Variants in PLA2G2D observed in about 807,000 individuals in gnomAD.
The protein encoded by PLA2G2D is group IID secretory phospholipase A2.
A neutral mutation model predicts 13.9 loss-of-function variants in PLA2G2D; 17 were observed. The ratio of observed to expected loss-of-function variants is 1.23; its 90% CI spans 0.84 to 1.84. The LOEUF is 1.84. PLA2G2D is among the 40% of genes most tolerant of loss of function. PLA2G2D has a pLI of 0.00. For missense variants in PLA2G2D, 194 were observed against 178.7 expected, an observed-to-expected ratio of 1.09 and a Z score of -0.49; for synonymous variants, 83 against 69.3, an observed-to-expected ratio of 1.20 and a Z score of -0.98.
Position 20,113,903 on chromosome 1 carries a change from A to T in PLA2G2D, c.*211T>A, listed in dbSNP as rs2100672872. The T allele has an allele frequency of 4.2e-6, 2 of 479,530 alleles. No individual in the cohort carries two copies. Among genetic ancestry groups the T allele is most frequent in the South Asian group, 4.2e-5 (1 of 23,916 alleles). 29.7% of individuals were successfully genotyped at this position (479,530 alleles called of 1,614,324 possible). On this transcript the variant is annotated 3_prime_UTR_variant, in exon 4 of 4. Coordinates refer to ENST00000375105, the MANE Select transcript of PLA2G2D (RefSeq NM_012400.4). ...CTCCCTTGCTTGGGCTTCTCCCAAG[A>T]TTCCCATCCACCCTCAGAGGACACA... is the stretch of plus-strand genomic sequence containing the variant.
chr1:20,116,177 G>A (rs1258663402), intron 2 of PLA2G2D, among the ~76,000 whole-genome samples, 156 bp downstream of exon 2: 1 of 152,210 alleles, frequency 6.6e-6, no homozygotes, highest in Non-Finnish European at 1.5e-5. Flanking sequence ...AGCTCCAGGA[G>A]GGCTGGGACC....
intron 1 of PLA2G2D, among the ~76,000 whole-genome samples, 158 bp downstream of exon 1, chr1:20,119,301 G>A (rs988619757): frequency 6.6e-6 from 1 of 152,166 alleles, no homozygotes; most frequent in Non-Finnish European, 1.5e-5. Context: ...GGAGACTGAC[G>A]GCCACTGAAG....
At chr1:20,115,644 G>A (rs1440444717) in intron 2 of PLA2G2D, 31 bp from the exon 3 acceptor site, 1 of 1,384,588 alleles carries the variant, frequency 7.2e-7, no homozygotes, top group African/African-American at 1.4e-5. Flanking sequence ...AGCTGCATGG[G>A]TCCCCAGCCT....
chr1:20,114,410 C>T (rs768727486), intron 3 of PLA2G2D, 151 bp from the exon 4 acceptor site: 4 of 709,152 alleles, frequency 5.6e-6, no homozygotes, highest in East Asian at 2.8e-5. Context: ...GACTTGGCCA[C>T]GTACCGTGAC....
In PLA2G2D at chr1:20,114,139, C is replaced by T; in HGVS notation, c.413G>A (p.Cys138Tyr). The change falls in exon 4 of 4, where the codon TGC becomes TAC. Residue 138 changes from cysteine (C) to tyrosine (Y), a missense_variant. Cys to Tyr is a radical substitution (Grantham distance 194, BLOSUM62 -2). Coordinates refer to ENST00000375105, the MANE Select transcript of PLA2G2D (RefSeq NM_012400.4). ...CTAGCACCCAGGGGTCTGCCCCCGG[C>T]AGTGGGGCCGCCAGTAGAAACGCAG... Reference protein sequence around the residue: ...KRLRFYWRPHCRGQTPGC With the variant: ...KRLRFYWRPHYRGQTPGC 2 of 1,613,606 alleles carry T rather than the reference C, an allele frequency of 1.2e-6. No individual in the cohort carries two copies. The highest frequency in any genetic ancestry group is 1.1e-5 in the South Asian group (1 of 91,052).
rs1205561828 is a variant in PLA2G2D, at chr1:20,119,443, C to T, written c.40+16G>A. On this transcript the variant is annotated intron_variant, in intron 1 of 3. Coordinates refer to ENST00000375105, the MANE Select transcript of PLA2G2D (RefSeq NM_012400.4). ...CCCTCCTTCCCTTCCCAGCCTGGGT[C>T]CCGTCCCCGACTCACCAGCCATCAC... 5 of 1,611,410 alleles carry T rather than the reference C, an allele frequency of 3.1e-6. No individual in the cohort carries two copies. Among genetic ancestry groups the T allele is most frequent in the African/African-American group, 2.7e-5 (2 of 74,820 alleles).
At chr1:20,116,624 T>A in intron 1 of PLA2G2D, 147 bp from the exon 2 acceptor site, 1 of 692,974 alleles carries the variant, frequency 1.4e-6, no homozygotes, top group Non-Finnish European at 2.5e-6. Flanking sequence ...CTACTGCTAT[T>A]AAAAATATAG....
At position 20,115,599 on chromosome 1, in the gene PLA2G2D, T is replaced by A. The variant is rs1353790965; in HGVS notation, c.200A>T (p.His67Leu). The A allele has an allele frequency of 6.2e-7, 1 of 1,610,798 alleles. No homozygotes were observed. The change falls in exon 3 of 4, where the codon CAT becomes CTT. Residue 67 changes from histidine to leucine, a missense_variant. His to Leu is a moderately conservative substitution (Grantham distance 99, BLOSUM62 -3). Transcript: ENST00000375105. ...KDATDWCCQT[H>L]DCCYDHLKTQ... ...CTTCAGGTGGTCATAGCAGCAGTCA[T>A]GGGTCTGGCAGCACCTGGAGCAGAC...
rs1325551750 is a variant in PLA2G2D at position 20,112,361 on chromosome 1, C to A, written c.*1753G>T. 1 of 152,252 alleles carries A rather than the reference C, an allele frequency of 6.6e-6. No homozygotes were observed. 9.4% of individuals were successfully genotyped at this position (152,252 alleles called of 1,614,324 possible). A position where few individuals can be genotyped will look rare whatever the true frequency, so the allele number is the denominator to read the frequency against. On this transcript the variant is annotated 3_prime_UTR_variant, in exon 4 of 4. Transcript: ENST00000375105. ...CTGTTCCCCCACACAGGCACAGCTG[C>A]CCCCATGGGTATCCCTACCTGGAGT...
At chr1:20,118,671 A>C (rs1043017477) in intron 1 of PLA2G2D, among the ~76,000 whole-genome samples, 1 of 152,148 alleles carries the variant, frequency 6.6e-6, no homozygotes, top group Non-Finnish European at 1.5e-5. Flanking sequence ...ACAGATGAGG[A>C]TATTGAAAGG....
Position 20,114,267 on chromosome 1 carries a change from C to T in PLA2G2D, c.293-8G>A, listed in dbSNP as rs369362192. 108 of 1,611,916 alleles carry T rather than the reference C, an allele frequency of 6.7e-5. No individual in the cohort carries two copies. The highest frequency in any genetic ancestry group is 2.6e-4 in the South Asian group (24 of 90,778). On this transcript the variant is annotated splice_region_variant and splice_polypyrimidine_tract_variant and intron_variant, in intron 3 of 3. Transcript: ENST00000375105. ...ACCAGCTTCCCTTGTCAGCTGTGGACGGAGAAGGGGGAGCTATGTGTTTGT... is the reference window on the plus strand; with the variant it reads ...ACCAGCTTCCCTTGTCAGCTGTGGATGGAGAAGGGGGAGCTATGTGTTTGT...
Position 20,119,472 on chromosome 1 carries a change from C to T in PLA2G2D, c.27G>A (p.Leu9=), listed in dbSNP as rs138486718. 6.2e-7 allele frequency: 1 copy of T among 1,613,914 alleles called. No individual in the cohort carries two copies. Among genetic ancestry groups the T allele is most frequent in the Admixed American group, 1.7e-5 (1 of 60,008 alleles). The change falls in exon 1 of 4, where the codon CTG becomes CTA. Residue 9 remains leucine, a synonymous_variant. Transcript: ENST00000375105. MELALLCG[L]VVMAGVIPIQ... is the part of the protein sequence containing the mutation. ...TCCCCGACTCACCAGCCATCACCAC[C>T]AGCCCACACAGCAGTGCAAGTTCCA... is the stretch of plus-strand genomic sequence containing the variant.
chr1:20,115,469 G>A, intron 3 of PLA2G2D, 38 bp downstream of exon 3: 1 of 1,183,042 alleles, frequency 8.5e-7, no homozygotes, highest in Non-Finnish European at 1.3e-6. Flanking sequence ...CTCCCTTCCT[G>A]GGGTCTCCAG....
Position 20,116,490 on chromosome 1 carries a change from C to A in PLA2G2D, c.41-13G>T. On this transcript the variant is annotated splice_polypyrimidine_tract_variant and intron_variant, in intron 1 of 3. Transcript: ENST00000375105. ...ATTGGAATCACACCTGCCAAGCAGC[C>A]CAGCAACCAGGAGAGAAGAGGAGAT... 6.2e-7 allele frequency: 1 copy of A among 1,614,074 alleles called. No individual in the cohort carries two copies. Among genetic ancestry groups the A allele is most frequent in the Admixed American group, 1.7e-5 (1 of 60,016 alleles).
In PLA2G2D at chr1:20,114,020, C is replaced by A. The variant is rs534957481; in HGVS notation, c.*94G>T. Reference sequence around the variant, plus strand: ...GGGGGAGGCTGGGACTACCTCCCCCCGGAGTGTTTGAAAAGCCAGGCTGGT... The same window carrying A: ...GGGGGAGGCTGGGACTACCTCCCCCAGGAGTGTTTGAAAAGCCAGGCTGGT... On this transcript the variant is annotated 3_prime_UTR_variant, in exon 4 of 4. Coordinates refer to ENST00000375105, the MANE Select transcript of PLA2G2D (RefSeq NM_012400.4). 1.3e-5 allele frequency: 15 copies of A among 1,196,026 alleles called. No individual in the cohort carries two copies. The Admixed American group carries it at 2.3e-4, about 18-fold the overall frequency. The allele number at this position is 1,196,026 out of a possible 1,614,324, so 74.1% of individuals were successfully genotyped here.
rs2016898361 is a variant in PLA2G2D at position 20,112,126 on chromosome 1, CT to C, written c.*1987del. On this transcript the variant is annotated 3_prime_UTR_variant, in exon 4 of 4. Coordinates refer to ENST00000375105, the MANE Select transcript of PLA2G2D (RefSeq NM_012400.4). Reference sequence around the variant, plus strand: ...GGATTACAGGCACCCACCACGATGCCTGGCTAATTTTTGTATTTTTAGTAGA... The same window carrying C: ...GGATTACAGGCACCCACCACGATGCCGGCTAATTTTTGTATTTTTAGTAGA... The C allele has an allele frequency of 6.6e-6, 1 of 151,880 alleles. No individual in the cohort carries two copies. Among genetic ancestry groups the C allele is most frequent in the Non-Finnish European group, 1.5e-5 (1 of 68,002 alleles). 9.4% of individuals were successfully genotyped at this position (151,880 alleles called of 1,614,324 possible).
chr1:20,115,118 A>C (rs922010239), intron 3 of PLA2G2D, among the ~76,000 whole-genome samples: 1 of 152,174 alleles, frequency 6.6e-6, no homozygotes, highest in Non-Finnish European at 1.5e-5. Flanking sequence ...AGCATCAGTG[A>C]TGATGAAAGT....
chr1:20,113,911 C>T lies in PLA2G2D; in HGVS notation c.*203G>A, dbSNP rs569726677. On this transcript the variant is annotated 3_prime_UTR_variant, in exon 4 of 4. Transcript: ENST00000375105. ...CTTGGGCTTCTCCCAAGATTCCCAT[C>T]CACCCTCAGAGGACACAGCTACTGC... The T allele has an allele frequency of 1.8e-4, 87 of 487,060 alleles. 1 individual carries two copies. The South Asian group carries it at 2.9e-3, about 16-fold the overall frequency. 30.2% of individuals were successfully genotyped at this position (487,060 alleles called of 1,614,324 possible). A position where few individuals can be genotyped will look rare whatever the true frequency, so the allele number is the denominator to read the frequency against.
chr1:20,113,847 G>A lies in PLA2G2D; in HGVS notation c.*267C>T, dbSNP rs979372898. ...CAGCGGCAGACCCCTCCCCCACCCCGATGCTTTGGTCCAAACACCACCTCT... is the reference window on the plus strand; with the variant it reads ...CAGCGGCAGACCCCTCCCCCACCCCAATGCTTTGGTCCAAACACCACCTCT... On this transcript the variant is annotated 3_prime_UTR_variant, in exon 4 of 4. Transcript: ENST00000375105. 8.5e-6 allele frequency: 3 copies of A among 353,806 alleles called. No homozygotes were observed. Among genetic ancestry groups the A allele is most frequent in the Non-Finnish European group, 1.5e-5 (3 of 194,966 alleles). 21.9% of individuals were successfully genotyped at this position (353,806 alleles called of 1,614,324 possible).
Sources: allele counts gnomAD v4.1 joint callset (sites outside exome capture counted in the v4.1 genomes callset), GRCh38; gene constraint gnomAD v4.1.1; transcripts MANE v1.5; gene names NCBI Gene and HGNC (gene_info 2026-07-23, HGNC 2026-07-21).